The following DPYD variants were observed in gnomAD, a reference collection of about 807,000 sequenced individuals.
DPYD encodes dihydropyrimidine dehydrogenase.
In DPYD, 109 loss-of-function variants were observed where a neutral mutation model predicts 116.2. The ratio of observed to expected loss-of-function variants is 0.94; its 90% CI spans 0.80 to 1.10. DPYD has a LOEUF of 1.10. Among genes scored for constraint, DPYD ranks in the 50% least tolerant of loss-of-function variants. DPYD has a pLI of 0.00. For missense variants in DPYD, 1,302 were observed against 1,254.5 expected, an observed-to-expected ratio of 1.04 and a Z score of -0.57; for synonymous variants, 440 against 432.0, an observed-to-expected ratio of 1.02 and a Z score of -0.23.
At chr1:97,641,843 A>G (rs1294398639) in intron 8 of DPYD, among the ~76,000 whole-genome samples, 2 of 152,220 alleles carry the variant, frequency 1.3e-5, no homozygotes, top group Non-Finnish European at 2.9e-5. Flanking sequence ...TTGTATATTT[A>G]GAAAACCCCA....
At chr1:97,733,279 T>TG (rs1663737297) in intron 4 of DPYD, among the ~76,000 whole-genome samples, 1 of 152,072 alleles carries the variant, frequency 6.6e-6, no homozygotes, top group African/African-American at 2.4e-5. Flanking sequence ...CTACTGAATT[T>TG]TAATATATTG....
chr1:97,247,265 A>G (rs972074789), intron 18 of DPYD, among the ~76,000 whole-genome samples: 3 of 152,202 alleles, frequency 2.0e-5, no homozygotes, highest in Non-Finnish European at 2.9e-5. Flanking sequence ...GCATATGATC[A>G]AAAAACTAGG....
chr1:97,575,184 T>C (rs1254647686), intron 10 of DPYD, among the ~76,000 whole-genome samples: 1 of 152,192 alleles, frequency 6.6e-6, no homozygotes, highest in Non-Finnish European at 1.5e-5. Flanking sequence ...GCACAGATGA[T>C]ACTTTGTTAA....
chr1:97,312,104 A>G (rs567260386), intron 16 of DPYD, among the ~76,000 whole-genome samples: 1 of 151,910 alleles, frequency 6.6e-6, no homozygotes, highest in East Asian at 2.0e-4. Context: ...TTATAAATGC[A>G]TACATATATG....
intron 14 of DPYD, among the ~76,000 whole-genome samples, chr1:97,443,518 C>G (rs957486039): frequency 1.3e-5 from 2 of 152,088 alleles, no homozygotes; most frequent in Non-Finnish European, 2.9e-5. Flanking sequence ...TAGAAATCAA[C>G]AGAAACAAGG....
chr1:97,869,742 C>A (rs1671565746), intron 2 of DPYD, among the ~76,000 whole-genome samples: 1 of 151,754 alleles, frequency 6.6e-6, no homozygotes, highest in Admixed American at 6.6e-5. Flanking sequence ...CAATTTATCA[C>A]CCCTAGAATC....
chr1:97,292,195 G>A (rs989660111), intron 18 of DPYD, among the ~76,000 whole-genome samples: 1 of 152,066 alleles, frequency 6.6e-6, no homozygotes, highest in African/African-American at 2.4e-5. Context: ...TCATACTAAA[G>A]ACTTCAGTGA....
At chr1:97,219,642 T>G (rs1660654268) in intron 19 of DPYD, among the ~76,000 whole-genome samples, 1 of 152,062 alleles carries the variant, frequency 6.6e-6, no homozygotes, top group African/African-American at 2.4e-5. Flanking sequence ...AGAGGAGAAT[T>G]AAAATTATGA....
intron 4 of DPYD, among the ~76,000 whole-genome samples, chr1:97,736,305 T>A (rs575749994): frequency 6.6e-5 from 10 of 151,830 alleles, no homozygotes; most frequent in Admixed American, 5.9e-4. Context: ...ATAATAATCA[T>A]TGCCAACCCT....
At chr1:97,693,817 A>G (rs749033409) in intron 6 of DPYD, among the ~76,000 whole-genome samples, 1 of 152,176 alleles carries the variant, frequency 6.6e-6, no homozygotes. Context: ...CTACTCTTGG[A>G]TTTTTATGGG....
intron 20 of DPYD, among the ~76,000 whole-genome samples, chr1:97,131,187 G>A (rs1017836903): frequency 1.3e-5 from 2 of 151,904 alleles, no homozygotes; most frequent in Non-Finnish European, 2.9e-5. Flanking sequence ...GAGGTAACTA[G>A]TCATTTGAAA....
intron 2 of DPYD, among the ~76,000 whole-genome samples, chr1:97,869,918 T>C (rs1292383829): frequency 6.6e-6 from 1 of 151,850 alleles, no homozygotes; most frequent in Admixed American, 6.6e-5. Context: ...ACAATGTGTA[T>C]GCATGTTTTC....
In DPYD at chr1:97,078,892, G is replaced by A; in HGVS notation, c.*84C>T. The A allele has an allele frequency of 1.4e-6, 2 of 1,454,346 alleles. No individual in the cohort carries two copies. Among genetic ancestry groups the A allele is most frequent in the South Asian group, 1.1e-5 (1 of 87,496 alleles). The allele number at this position is 1,454,346 out of a possible 1,614,324, so 90.1% of individuals were successfully genotyped here. A position where few individuals can be genotyped will look rare whatever the true frequency, so the allele number is the denominator to read the frequency against. On this transcript the variant is annotated 3_prime_UTR_variant, in exon 23 of 23. Coordinates refer to ENST00000370192, the MANE Select transcript of DPYD (RefSeq NM_000110.4). ...ATGTATATTTGTTTTAATTTGGAAA[G>A]AGCTGAACACAAGGATCATGATTTT...
intron 16 of DPYD, among the ~76,000 whole-genome samples, chr1:97,357,878 C>T (rs1331199039): frequency 6.6e-6 from 1 of 152,176 alleles, no homozygotes; most frequent in Non-Finnish European, 1.5e-5. Context: ...CAGCTTCCAG[C>T]ATGATCAATG....
chr1:97,831,751 T>C (rs1052842939), intron 2 of DPYD, among the ~76,000 whole-genome samples: 7 of 151,456 alleles, frequency 4.6e-5, no homozygotes, highest in African/African-American at 1.7e-4. Context: ...ACAGAGAGAA[T>C]GAATGAACAA....
intron 19 of DPYD, among the ~76,000 whole-genome samples, chr1:97,203,057 T>C (rs1659320955): frequency 6.6e-6 from 1 of 152,166 alleles, no homozygotes; most frequent in African/African-American, 2.4e-5. Context: ...TTAGGAACTG[T>C]GGCTGCAGTT....
intron 20 of DPYD, among the ~76,000 whole-genome samples, chr1:97,162,674 T>G (rs61786264): frequency 6.6e-6 from 1 of 151,714 alleles, no homozygotes; most frequent in Admixed American, 6.6e-5. Context: ...CATCACCAAG[T>G]CAATCCTAAG....
At chr1:97,715,972 T>C (rs1352597172) in intron 5 of DPYD, among the ~76,000 whole-genome samples, 1 of 152,102 alleles carries the variant, frequency 6.6e-6, no homozygotes, top group Non-Finnish European at 1.5e-5. Flanking sequence ...GGTGAAGATA[T>C]GGTAGAAGTA....
chr1:97,259,242 C>T (rs1350662943), intron 18 of DPYD, among the ~76,000 whole-genome samples: 2 of 151,998 alleles, frequency 1.3e-5, no homozygotes, highest in Non-Finnish European at 1.5e-5. Context: ...TGTGACAATG[C>T]TGACTACTAG....
Sources: gnomAD v4.1 joint callset for allele counts (sites outside exome capture counted in the v4.1 genomes callset) on GRCh38, gnomAD v4.1.1 for gene constraint, MANE v1.5 for transcripts, NCBI Gene and HGNC (gene_info 2026-07-23, HGNC 2026-07-21) for gene names.